Variants in DIP2A observed in about 807,000 individuals in gnomAD.
The protein encoded by DIP2A is disco-interacting protein 2 homolog A.
DIP2A carries 85 observed loss-of-function variants against 177.4 expected under a neutral mutation model. That is an observed-to-expected ratio of 0.48 (90% confidence interval 0.40 to 0.57). The LOEUF (loss-of-function observed/expected upper bound fraction) is 0.57. Ranked by LOEUF, DIP2A falls within the 20% of genes least tolerant of loss-of-function variation. The pLI, the probability that DIP2A is intolerant of heterozygous loss-of-function variation, is 0.00. For missense variants in DIP2A, 1,791 were observed against 2,100.2 expected (o/e 0.85, Z 2.88); for synonymous variants, 886 against 881.8 (o/e 1.00, Z -0.08).
rs1231869936 is a variant in DIP2A, at chr21:46,555,877, A to G, written c.3389-105A>G. ...ACTCCCGTCTGAGCTCACTCTCTGC[A>G]GGACTCCCAAGGACAAATCATGTGT... On this transcript the variant is annotated intron_variant, in intron 28 of 37. Transcript: ENST00000417564. 1.3e-5 allele frequency: 11 copies of G among 850,232 alleles called. No individual in the cohort carries two copies. In the East Asian group the frequency reaches 2.4e-4, roughly 19 times the overall value. 52.7% of individuals were successfully genotyped at this position (850,232 alleles called of 1,614,324 possible).
At chr21:46,520,216 A>G (rs2058766728) in intron 8 of DIP2A, among the ~76,000 whole-genome samples, 1 of 152,012 alleles carries the variant, frequency 6.6e-6, no homozygotes, top group South Asian at 2.1e-4. Context: ...GTTTCTCTCT[A>G]CTTTACTCAA....
chr21:46,526,060 C>T (rs989271549), intron 8 of DIP2A, among the ~76,000 whole-genome samples: 6 of 151,832 alleles, frequency 4.0e-5, no homozygotes, highest in African/African-American at 7.3e-5. Context: ...AGGCGCCTGC[C>T]ACCACACCCG....
chr21:46,480,830 C>T (rs941267147), intron 1 of DIP2A, among the ~76,000 whole-genome samples: 3 of 152,294 alleles, frequency 2.0e-5, no homozygotes, highest in South Asian at 4.1e-4. Flanking sequence ...TGGAACCTGC[C>T]GGGCCCTTGG....
chr21:46,484,920 C>G, intron 2 of DIP2A, 92 bp downstream of exon 2: 1 of 1,238,552 alleles, frequency 8.1e-7, no homozygotes, highest in South Asian at 1.6e-5. Flanking sequence ...CATTTGTTAG[C>G]AATGTTAAAC....
intron 1 of DIP2A, among the ~76,000 whole-genome samples, chr21:46,471,599 T>C (rs1014120519): frequency 6.6e-6 from 1 of 152,238 alleles, no homozygotes; most frequent in East Asian, 1.9e-4. Flanking sequence ...TAGGAAGTTA[T>C]ACACTGCTTA....
intron 8 of DIP2A, among the ~76,000 whole-genome samples, chr21:46,517,817 C>G (rs1340836050): frequency 6.6e-6 from 1 of 152,222 alleles, no homozygotes; most frequent in African/African-American, 2.4e-5. Context: ...GATACTCAGC[C>G]CCCCGTGGGG....
At chr21:46,505,279 A>T (rs1241285984) in intron 6 of DIP2A, among the ~76,000 whole-genome samples, 1 of 152,194 alleles carries the variant, frequency 6.6e-6, no homozygotes, top group East Asian at 1.9e-4. Flanking sequence ...AGCTTAATTA[A>T]AGGGTAATTG....
intron 19 of DIP2A, 51 bp downstream of exon 19, chr21:46,545,324 C>T (rs1370746967): frequency 6.4e-7 from 1 of 1,561,508 alleles, no homozygotes; most frequent in Admixed American, 1.7e-5. Flanking sequence ...CATGAGCACT[C>T]ATGGGGTCCC....
intron 1 of DIP2A, among the ~76,000 whole-genome samples, chr21:46,467,160 G>A (rs1314303605): frequency 3.3e-5 from 5 of 151,958 alleles, no homozygotes; most frequent in African/African-American, 1.2e-4. Context: ...GCCGGGCGTG[G>A]TGGTGGGTGC....
At chr21:46,579,903 T>C in the DIP2A span, among the ~76,000 whole-genome samples, 1 of 152,220 alleles carries the variant, frequency 6.6e-6, no homozygotes, top group Non-Finnish European at 1.5e-5. Context: ...TGCCATGTGG[T>C]GCCAAGAAGA....
intron 8 of DIP2A, among the ~76,000 whole-genome samples, chr21:46,511,889 A>G (rs1262186352): frequency 2.0e-5 from 3 of 152,178 alleles, no homozygotes; most frequent in Admixed American, 6.5e-5. Context: ...TCAACTTTGT[A>G]TAAGGGGAAT....
At chr21:46,552,058 G>T (rs561626522) in intron 25 of DIP2A, among the ~76,000 whole-genome samples, 154 bp downstream of exon 25, 8 of 151,952 alleles carry the variant, frequency 5.3e-5, no homozygotes, top group Admixed American at 2.0e-4. Context: ...GTTCTCATGC[G>T]TAGAGAGCAG....
intron 8 of DIP2A, among the ~76,000 whole-genome samples, chr21:46,522,293 TAGAC>T (rs974437543): frequency 2.0e-5 from 3 of 152,202 alleles, no homozygotes; most frequent in African/African-American, 4.8e-5. Context: ...AACATGTAAA[TAGAC>T]AGAAGATCCA....
chr21:46,566,414 C>A (rs1450677809), intron 36 of DIP2A, 146 bp from the exon 37 acceptor site: 3 of 1,088,336 alleles, frequency 2.8e-6, no homozygotes, highest in South Asian at 1.6e-5. Context: ...CTCCATCACC[C>A]TTTCTGCACG....
intron 34 of DIP2A, 152 bp downstream of exon 34, chr21:46,561,957 C>T: frequency 1.0e-6 from 1 of 970,668 alleles, no homozygotes; most frequent in Non-Finnish European, 1.2e-6. Flanking sequence ...GTCTCCTTCC[C>T]TCCTTTGTGG....
rs1407903840 is a variant in DIP2A at position 46,529,604 on chromosome 21, A to AG, written c.1194+422dup. ...GACAGAGTGAGACTCCGTCTCAAAGAGAAAAAAAAAAAAAAGCAGTGAAAA... is the reference window on the plus strand; with the variant it reads ...GACAGAGTGAGACTCCGTCTCAAAGAGGAAAAAAAAAAAAAAGCAGTGAAAA... On this transcript the variant is annotated intron_variant, in intron 9 of 37. Transcript: ENST00000417564. 2.7e-5 allele frequency among the ~76,000 whole-genome samples: 4 copies of AG among 145,744 alleles called. No individual in the cohort carries two copies. In the East Asian group the frequency reaches 7.7e-4, roughly 28 times the overall value.
At chr21:46,480,018 C>T (rs2056220825) in intron 1 of DIP2A, among the ~76,000 whole-genome samples, 1 of 151,710 alleles carries the variant, frequency 6.6e-6, no homozygotes, top group Non-Finnish European at 1.5e-5. Flanking sequence ...AGATTTTCCT[C>T]ACCTTTTGTT....
intron 8 of DIP2A, among the ~76,000 whole-genome samples, chr21:46,519,777 C>G (rs947966160): frequency 6.8e-6 from 1 of 147,730 alleles, no homozygotes; most frequent in African/African-American, 2.5e-5. Context: ...TTTTCATGAA[C>G]TGGGTAACTG....
chr21:46,485,246 G>A (rs1433893358), intron 2 of DIP2A, among the ~76,000 whole-genome samples: 1 of 150,020 alleles, frequency 6.7e-6, no homozygotes, highest in African/African-American at 2.5e-5. Context: ...TTGTGTGTGT[G>A]TGTGTGTGTG....
Sources: allele counts gnomAD v4.1 joint callset (sites outside exome capture counted in the v4.1 genomes callset), GRCh38; gene constraint gnomAD v4.1.1; transcripts MANE v1.5; gene names NCBI Gene and HGNC (gene_info 2026-07-23, HGNC 2026-07-21).